PPL: variants seen among roughly 807,000 people sequenced by gnomAD.
PPL encodes the protein 190 kDa paraneoplastic pemphigus antigen.
Under a neutral mutation model 194.4 loss-of-function variants are expected in PPL, and 198 were observed. The observed-to-expected ratio is 1.02, with a 90% CI of 0.91 to 1.15. PPL has a LOEUF of 1.15. PPL is among the 50% of genes most tolerant of loss of function. PPL has a pLI of 0.00. For missense variants in PPL, 2,885 were observed against 2,294.8 expected (o/e 1.26, Z -5.25); for synonymous variants, 1,220 against 972.4 (o/e 1.25, Z -4.74).
intron 1 of PPL, among the ~76,000 whole-genome samples, chr16:4,927,887 A>T (rs939963834): frequency 1.3e-5 from 2 of 152,224 alleles, no homozygotes; most frequent in Non-Finnish European, 2.9e-5. Flanking sequence ...AGGTAACACC[A>T]AGGCAGGTCT....
chr16:4,892,266 CT>C, intron 14 of PPL, 53 bp from the exon 15 acceptor site: 1 of 1,564,804 alleles, frequency 6.4e-7, no homozygotes, highest in Non-Finnish European at 8.7e-7. Flanking sequence ...GCCCCTTCCC[CT>C]GAGGATGTGC....
At chr16:4,899,420 C>T in intron 6 of PPL, 36 bp from the exon 7 acceptor site, 1 of 1,570,382 alleles carries the variant, frequency 6.4e-7, no homozygotes, top group Non-Finnish European at 8.6e-7. Context: ...GCTGCGTCCT[C>T]AGCCCGCTGC....
At position 4,895,624 on chromosome 16, in the gene PPL, G is replaced by C; in HGVS notation, c.1065C>G (p.Tyr355Ter). 1 of 1,614,000 alleles carries C rather than the reference G, an allele frequency of 6.2e-7. No individual in the cohort carries two copies. The highest frequency in any genetic ancestry group is 8.5e-7 in the Non-Finnish European group (1 of 1,180,006). ...GCTCCCGCAGCAGCAGCTCAATCTG[G>C]TACCGGTCCTTGAAGTCAGGGCCAT... The part of the protein sequence containing the change: ...QKYGPDFKDR[Y>*]QIELLLRELD... Residue 355 changes from tyrosine to a stop codon, truncating the protein, a stop_gained, in exon 10 of 22, where the codon TAC becomes TAG. Coordinates refer to ENST00000345988, the MANE Select transcript of PPL (RefSeq NM_002705.5). LOFTEE classifies it high-confidence loss of function.
rs2142322307 is a variant in PPL, at chr16:4,884,373, C to G, written c.4282G>C (p.Ala1428Pro). The part of the protein sequence containing the change: ...REVQRLQQRL[A>P]ALEQEEAEAR... ...TCAGCTTCTTCCTGCTCCAGCGCTG[C>G]CAGCCGCTGCTGCAACCGCTGTACC... Residue 1428 changes from alanine to proline, a missense_variant, in exon 22 of 22, where the codon GCA (alanine) becomes CCA (proline). Physicochemically the swap from Ala to Pro is conservative, Grantham distance 27. Transcript: ENST00000345988. This position sits in a 1 kb window ranked among gnomAD's most constrained non-coding sequence, Gnocchi z 5.7. 6.2e-7 allele frequency: 1 copy of G among 1,611,838 alleles called. No individual in the cohort carries two copies. The highest frequency in any genetic ancestry group is 1.1e-5 in the South Asian group (1 of 91,030).
At position 4,890,266 on chromosome 16, in the gene PPL, T is replaced by C; in HGVS notation, c.2231A>G (p.Gln744Arg). ...HFHRGHDHVL[Q>R]FLVSIPSYEP... ...GTAACTGGGGATGCTGACTAGGAAC[T>C]GCAGCACGTGGTCATGGCCGCGGTG... Residue 744 changes from glutamine to arginine, a missense_variant, in exon 18 of 22, where the codon CAG becomes CGG. By Grantham distance (43) the Gln-to-Arg change is conservative. Coordinates refer to ENST00000345988, the MANE Select transcript of PPL (RefSeq NM_002705.5). 1 of 1,614,232 alleles carries C rather than the reference T, an allele frequency of 6.2e-7. No individual in the cohort carries two copies. The highest frequency in any genetic ancestry group is 1.3e-5 in the African/African-American group (1 of 75,072).
intron 1 of PPL, among the ~76,000 whole-genome samples, chr16:4,934,090 G>A (rs1005191464): frequency 3.3e-5 from 5 of 152,190 alleles, no homozygotes; most frequent in African/African-American, 1.2e-4. Flanking sequence ...GGGTGGCAGC[G>A]GGTCTCCTCC....
At position 4,936,939 on chromosome 16, in the gene PPL, C is replaced by A. The variant is rs572413310; in HGVS notation, c.62+45G>T. The A allele has an allele frequency of 1.3e-5, 21 of 1,558,584 alleles. No individual in the cohort carries two copies. In the South Asian group the frequency reaches 2.3e-4, roughly 17 times the overall value. Reference sequence around the variant, plus strand: ...AGGTCTTCCAGGTCCTGTGCGCCCACAGGGGCAAGAGCGTCCCGGAGCGGA... The same window carrying A: ...AGGTCTTCCAGGTCCTGTGCGCCCAAAGGGGCAAGAGCGTCCCGGAGCGGA... On this transcript the variant is annotated intron_variant, in intron 1 of 21. Coordinates refer to ENST00000345988, the MANE Select transcript of PPL (RefSeq NM_002705.5).
At chr16:4,891,608 A>G (rs2088320530) in intron 16 of PPL, 1 of 580,682 alleles carries the variant, frequency 1.7e-6, no homozygotes, top group Non-Finnish European at 2.9e-6. Flanking sequence ...AAATGCTGGC[A>G]CCCGAAATCC....
At chr16:4,934,192 A>C (rs1343247730) in intron 1 of PPL, among the ~76,000 whole-genome samples, 3 of 151,992 alleles carry the variant, frequency 2.0e-5, no homozygotes, top group Non-Finnish European at 4.4e-5. Flanking sequence ...ATCAACTCCC[A>C]CACCTGTCAT....
At position 4,884,845 on chromosome 16, in the gene PPL, G is replaced by A; in HGVS notation, c.3810C>T (p.Tyr1270=). The change falls in exon 22 of 22, where the codon TAC becomes TAT. Residue 1270 remains tyrosine, a synonymous_variant. Coordinates refer to ENST00000345988, the MANE Select transcript of PPL (RefSeq NM_002705.5). The surrounding 1 kb of genome is among the most constrained non-coding windows in gnomAD (Gnocchi z 5.7). ...RLIERCDLEI[Y]QLKKEIQALK... ...GGGCCTGGATTTCCTTTTTCAGCTG[G>A]TAGATCTCTAAATCACACCTTTCGA... 2 of 1,614,122 alleles carry A rather than the reference G, an allele frequency of 1.2e-6. No individual in the cohort carries two copies. The highest frequency in any genetic ancestry group is 1.3e-5 in the African/African-American group (1 of 75,012).
At chr16:4,894,343 TG>T (rs752820660) in intron 12 of PPL, 123 bp downstream of exon 12, 35 of 1,218,110 alleles carry the variant, frequency 2.9e-5, no homozygotes, top group Non-Finnish European at 3.8e-5. Flanking sequence ...GGGGTGCAGA[TG>T]GAGAGTGTCA....
chr16:4,888,076 G>C (rs189360526), intron 20 of PPL, 26 bp downstream of exon 20: 7 of 1,569,192 alleles, frequency 4.5e-6, no homozygotes, highest in Non-Finnish European at 5.3e-6. Flanking sequence ...CCTCAGTCCC[G>C]AGGCCGCCTG....
rs760944645 is a variant in PPL, at chr16:4,883,544, T to C, written c.5111A>G (p.Asn1704Ser). 7 of 1,614,196 alleles carry C rather than the reference T, an allele frequency of 4.3e-6. No homozygotes were observed. Among genetic ancestry groups the C allele is most frequent in the Admixed American group, 3.3e-5 (2 of 60,020 alleles). ...DWEEISVKGP[N>S]GESSVIHDRK... ...GTCGTGTATCACTGAGGACTCCCCA[T>C]TGGGACCCTTCACTGAGATCTCCTC... The change falls in exon 22 of 22, where the codon AAT becomes AGT. Residue 1704 changes from asparagine (N) to serine (S), a missense_variant. Transcript: ENST00000345988. The surrounding 1 kb of genome is among the most constrained non-coding windows in gnomAD (Gnocchi z 4.8).
At chr16:4,921,317 G>A (rs868605500) in intron 1 of PPL, among the ~76,000 whole-genome samples, 4 of 152,206 alleles carry the variant, frequency 2.6e-5, no homozygotes, top group Admixed American at 1.3e-4. Flanking sequence ...GTCTGAGCCC[G>A]CAGGCTTGAG....
chr16:4,884,078 T>G lies in PPL; in HGVS notation c.4577A>C (p.Glu1526Ala). 6.2e-7 allele frequency: 1 copy of G among 1,612,736 alleles called. No individual in the cohort carries two copies. The highest frequency in any genetic ancestry group is 8.5e-7 in the Non-Finnish European group (1 of 1,179,852). ...GTCCAGCTCGCGCTTGCTGCGGCTCTCCTCCTCCAGGCTGCTCTTGAGCCT... is the reference window on the plus strand; with the variant it reads ...GTCCAGCTCGCGCTTGCTGCGGCTCGCCTCCTCCAGGCTGCTCTTGAGCCT... The part of the protein sequence containing the change: ...IQRLKSSLEE[E>A]SRSKRELDVE... Residue 1526 changes from glutamate (E) to alanine (A), a missense_variant, in exon 22 of 22, where the codon GAG (glutamate) becomes GCG (alanine). Coordinates refer to ENST00000345988, the MANE Select transcript of PPL (RefSeq NM_002705.5). The surrounding 1 kb of genome is among the most constrained non-coding windows in gnomAD (Gnocchi z 5.7).
At chr16:4,909,531 A>G (rs969859187) in intron 2 of PPL, among the ~76,000 whole-genome samples, 1 of 148,564 alleles carries the variant, frequency 6.7e-6, no homozygotes, top group Non-Finnish European at 1.5e-5. Flanking sequence ...GGTTCAAGCG[A>G]TTCTCCTGCC....
intron 19 of PPL, 89 bp from the exon 20 acceptor site, chr16:4,888,307 C>T: frequency 1.1e-6 from 1 of 914,048 alleles, no homozygotes; most frequent in Non-Finnish European, 1.8e-6. Flanking sequence ...CTGACCCAGA[C>T]CTGCCCTGTG....
rs1263178823 is a variant in PPL, at chr16:4,937,060, T to A, written c.-15A>T. On this transcript the variant is annotated 5_prime_UTR_variant, in exon 1 of 22. Coordinates refer to ENST00000345988, the MANE Select transcript of PPL (RefSeq NM_002705.5). ...AGCGAGTTCATGGTGGCGCTCGGGG[T>A]GCGGGCGGCGGCGGCTGGCGGGCCG... is the stretch of plus-strand genomic sequence containing the variant. 7.1e-7 allele frequency: 1 copy of A among 1,411,206 alleles called. No individual in the cohort carries two copies. Among genetic ancestry groups the A allele is most frequent in the African/African-American group, 1.5e-5 (1 of 68,140 alleles). 87.4% of individuals were successfully genotyped at this position (1,411,206 alleles called of 1,614,324 possible). A position where few individuals can be genotyped will look rare whatever the true frequency, so the allele number is the denominator to read the frequency against.
chr16:4,888,057 T>C, intron 20 of PPL, 45 bp downstream of exon 20: 1 of 1,407,178 alleles, frequency 7.1e-7, no homozygotes, highest in Non-Finnish European at 1.0e-6. Context: ...CAGGGCAGCT[T>C]GGCCTCCACC....
Sources: allele counts gnomAD v4.1 joint callset (sites outside exome capture counted in the v4.1 genomes callset), GRCh38; gene constraint gnomAD v4.1.1; non-coding constraint Gnocchi (gnomAD v3.1); transcripts MANE v1.5; gene names NCBI Gene and HGNC (gene_info 2026-07-23, HGNC 2026-07-21).